The following SNCAIP variants were observed in gnomAD, a reference collection of about 807,000 sequenced individuals.
SNCAIP encodes the protein synphilin-1.
SNCAIP carries 43 observed loss-of-function variants against 86.7 expected under a neutral mutation model. The observed-to-expected ratio is 0.50, with a 90% CI of 0.39 to 0.64. The LOEUF (loss-of-function observed/expected upper bound fraction) is 0.64. SNCAIP is among the 30% of genes least tolerant of loss of function. The pLI is 0.00. For synonymous variants in SNCAIP, 417 were observed against 427.2 expected (o/e 0.98, Z 0.29); for missense variants, 981 against 1,103.1 (o/e 0.89, Z 1.57).
At chr5:122,344,173 G>C (rs1382885739) in intron 1 of SNCAIP, among the ~76,000 whole-genome samples, 1 of 152,184 alleles carries the variant, frequency 6.6e-6, no homozygotes, top group East Asian at 1.9e-4. Flanking sequence ...ATGAAAGCGG[G>C]ACATTTTTTC....
chr5:122,328,738 G>T (rs551951143), intron 1 of SNCAIP, among the ~76,000 whole-genome samples: 9 of 152,244 alleles, frequency 5.9e-5, no homozygotes, highest in African/African-American at 1.9e-4. Flanking sequence ...GTAAGTCCTT[G>T]CTTGCTTTAG....
chr5:122,345,172 A>G (rs1434529763), intron 1 of SNCAIP, among the ~76,000 whole-genome samples: 1 of 152,192 alleles, frequency 6.6e-6, no homozygotes, highest in East Asian at 1.9e-4. Flanking sequence ...TAGTATTGTC[A>G]ACAAAAGGGC....
chr5:122,399,813 C>G (rs563210089), intron 2 of SNCAIP, among the ~76,000 whole-genome samples: 5 of 152,108 alleles, frequency 3.3e-5, no homozygotes, highest in Non-Finnish European at 7.4e-5. Context: ...GACAATGATT[C>G]TACAACTTCA....
intron 3 of SNCAIP, among the ~76,000 whole-genome samples, chr5:122,422,031 ACT>A (rs1317340129): frequency 7.7e-6 from 1 of 129,928 alleles, no homozygotes; most frequent in African/African-American, 2.9e-5. Flanking sequence ...AAAAAAAACC[ACT>A]CTGCCTGACC....
intron 1 of SNCAIP, among the ~76,000 whole-genome samples, chr5:122,379,978 C>T (rs1766324053): frequency 6.6e-6 from 1 of 151,986 alleles, no homozygotes; most frequent in African/African-American, 2.4e-5. Flanking sequence ...CAATGTTCAT[C>T]AAGGGTATTG....
Position 122,450,779 on chromosome 5 carries a change from T to C in SNCAIP, c.1932T>C (p.Asp644=), listed in dbSNP as rs888195741. Residue 644 remains aspartate (D), a synonymous_variant, in exon 10 of 11, where the codon GAT becomes GAC. Coordinates refer to ENST00000261368, the MANE Select transcript of SNCAIP (RefSeq NM_005460.4). ...AAAAACTGTCCTTGGAATTCCAGGATGCTCAGGCTTCCTCTAGAAATTCTA... is the reference window on the plus strand; with the variant it reads ...AAAAACTGTCCTTGGAATTCCAGGACGCTCAGGCTTCCTCTAGAAATTCTA... The part of the protein sequence containing the change: ...TQEKLSLEFQ[D]AQASSRNSKK... 5.6e-6 allele frequency: 9 copies of C among 1,613,818 alleles called. No individual in the cohort carries two copies. Among genetic ancestry groups the C allele is most frequent in the Non-Finnish European group, 7.6e-6 (9 of 1,179,830 alleles).
chr5:122,350,206 C>T (rs767373769), intron 1 of SNCAIP, among the ~76,000 whole-genome samples: 70 of 152,126 alleles, frequency 4.6e-4, no homozygotes, highest in Non-Finnish European at 1.6e-4. Flanking sequence ...GGGTCCATCC[C>T]AGCTAAAAAG....
rs1581390520 is a variant in SNCAIP, at chr5:122,451,179, C to T, written c.2332C>T (p.Pro778Ser). 3 of 1,614,120 alleles carry T rather than the reference C, an allele frequency of 1.9e-6. No homozygotes were observed. Among genetic ancestry groups the T allele is most frequent in the Non-Finnish European group, 2.5e-6 (3 of 1,180,000 alleles). ...TCCTCCAAACCAGCCCTCTGGTGAC[C>T]CTCAGCAGCCCAGCCCTGACAGTAC... ...SIPPNQPSGD[P>S]QQPSPDSTAA... The change falls in exon 10 of 11, where the codon CCT (proline) becomes TCT (serine). Residue 778 changes from proline to serine, a missense_variant. Pro to Ser is a moderately conservative substitution (Grantham distance 74, BLOSUM62 -1). Transcript: ENST00000261368.
intron 3 of SNCAIP, among the ~76,000 whole-genome samples, chr5:122,408,250 C>G (rs1362661057): frequency 2.0e-5 from 3 of 152,164 alleles, no homozygotes; most frequent in Non-Finnish European, 4.4e-5. Context: ...CCTGGGTTTC[C>G]CACATATCTT....
intron 10 of SNCAIP, among the ~76,000 whole-genome samples, chr5:122,458,770 G>A (rs1785410840): frequency 6.6e-6 from 1 of 152,130 alleles, no homozygotes; most frequent in Non-Finnish European, 1.5e-5. Flanking sequence ...CTTCACTCAG[G>A]GAGATCATAA....
At chr5:122,426,166 A>G (rs1777333662) in intron 5 of SNCAIP, among the ~76,000 whole-genome samples, 1 of 152,240 alleles carries the variant, frequency 6.6e-6, no homozygotes, top group Non-Finnish European at 1.5e-5. Flanking sequence ...CATCACTAGA[A>G]GATTAGCTAT....
chr5:122,320,735 G>C (rs1752745468), intron 1 of SNCAIP, among the ~76,000 whole-genome samples: 1 of 152,212 alleles, frequency 6.6e-6, no homozygotes, highest in African/African-American at 2.4e-5. Context: ...GAAGGCAACA[G>C]TGACCAAATG....
At chr5:122,428,525 C>A (rs1375465204) in intron 5 of SNCAIP, among the ~76,000 whole-genome samples, 1 of 151,812 alleles carries the variant, frequency 6.6e-6, no homozygotes, top group African/African-American at 2.4e-5. Context: ...GAAACATTCT[C>A]CAGGATAGAC....
intron 1 of SNCAIP, among the ~76,000 whole-genome samples, chr5:122,384,948 G>A (rs1015867012): frequency 4.6e-5 from 7 of 152,148 alleles, no homozygotes; most frequent in African/African-American, 9.7e-5. Flanking sequence ...AATGTTATGC[G>A]TCTTTCTGGA....
intron 1 of SNCAIP, among the ~76,000 whole-genome samples, chr5:122,371,052 G>A (rs1764168440): frequency 6.6e-6 from 1 of 152,086 alleles, no homozygotes; most frequent in African/African-American, 2.4e-5. Flanking sequence ...GGTGGCTCAT[G>A]CCTATAATCT....
intron 6 of SNCAIP, 124 bp downstream of exon 6, chr5:122,432,206 C>A: frequency 4.5e-6 from 3 of 662,400 alleles, no homozygotes; most frequent in Non-Finnish European, 8.3e-6. Context: ...GGTATATAAC[C>A]AATGATATTT....
chr5:122,355,082 A>G (rs1422570602), intron 1 of SNCAIP, among the ~76,000 whole-genome samples: 1 of 152,222 alleles, frequency 6.6e-6, no homozygotes, highest in Non-Finnish European at 1.5e-5. Flanking sequence ...TTTGTTCAAG[A>G]GTTTAGCCTC....
At position 122,459,089 on chromosome 5, in the gene SNCAIP, C is replaced by A. The variant is rs550662497; in HGVS notation, c.2755-4402C>A. On this transcript the variant is annotated intron_variant, in intron 10 of 10. Transcript: ENST00000261368. ...GCCTTCTGGTCACAAGTCCACCTAC[C>A]CACAGTGAGTTTCCATTTGGGCACT... is the stretch of plus-strand genomic sequence containing the variant. Among the ~76,000 whole-genome samples, 46 of 152,250 alleles carry A rather than the reference C, an allele frequency of 3.0e-4. No homozygotes were observed. The South Asian group carries it at 3.7e-3, about 12-fold the overall frequency.
intron 1 of SNCAIP, among the ~76,000 whole-genome samples, chr5:122,332,764 G>C (rs1755644521): frequency 6.6e-6 from 1 of 152,210 alleles, no homozygotes; most frequent in African/African-American, 2.4e-5. Context: ...GTGAAGTGGG[G>C]AATGGAGGGA....
Sources: allele counts gnomAD v4.1 joint callset (sites outside exome capture counted in the v4.1 genomes callset), GRCh38; gene constraint gnomAD v4.1.1; transcripts MANE v1.5; gene names NCBI Gene and HGNC (gene_info 2026-07-23, HGNC 2026-07-21).